The following UNC5D variants were observed in gnomAD, a reference collection of about 807,000 sequenced individuals.
The protein encoded by UNC5D is netrin receptor UNC5D.
UNC5D carries 39 observed loss-of-function variants against 105.4 expected under a neutral mutation model. That is an observed-to-expected ratio of 0.37 (90% CI 0.29 to 0.48). The LOEUF (loss-of-function observed/expected upper bound fraction) is 0.48. UNC5D is among the 20% of genes least tolerant of loss of function. The pLI is 0.98. For missense variants in UNC5D, 991 were observed against 1,202.4 expected (o/e 0.82, Z 2.60); for synonymous variants, 452 against 450.4 (o/e 1.00, Z -0.04).
chr8:35,352,156 A>G (rs1812283967), intron 1 of UNC5D, among the ~76,000 whole-genome samples: 1 of 152,168 alleles, frequency 6.6e-6, no homozygotes. Context: ...TAAAGAGGCT[A>G]TTAGATAACT....
intron 7 of UNC5D, among the ~76,000 whole-genome samples, chr8:35,694,742 G>T (rs372672226): frequency 6.6e-6 from 1 of 151,858 alleles, no homozygotes; most frequent in African/African-American, 2.4e-5. Flanking sequence ...TTGAGACAGG[G>T]TCTCACTCTG....
chr8:35,490,345 T>C (rs572365807), intron 1 of UNC5D, among the ~76,000 whole-genome samples: 2 of 152,194 alleles, frequency 1.3e-5, no homozygotes, highest in South Asian at 4.1e-4. Context: ...TCTACAACTT[T>C]TTTTAAAATT....
At chr8:35,474,961 G>A (rs1809982528) in intron 1 of UNC5D, among the ~76,000 whole-genome samples, 1 of 152,176 alleles carries the variant, frequency 6.6e-6, no homozygotes, top group African/African-American at 2.4e-5. Context: ...CATTCATTAT[G>A]TAAATCACTT....
intron 1 of UNC5D, among the ~76,000 whole-genome samples, chr8:35,435,332 T>G (rs1235674579): frequency 1.3e-5 from 2 of 152,082 alleles, no homozygotes; most frequent in Non-Finnish European, 2.9e-5. Flanking sequence ...GGTTATAACT[T>G]TCCAACAGTA....
At chr8:35,766,649 C>T (rs1388463916) in intron 14 of UNC5D, among the ~76,000 whole-genome samples, 1 of 152,172 alleles carries the variant, frequency 6.6e-6, no homozygotes, top group Non-Finnish European at 1.5e-5. Context: ...TGAGCTCTTG[C>T]AGTGCGGTTT....
At chr8:35,737,256 G>GTA (rs1303072391) in intron 11 of UNC5D, among the ~76,000 whole-genome samples, 9 of 103,882 alleles carry the variant, frequency 8.7e-5, no homozygotes, top group African/African-American at 3.0e-4. Flanking sequence ...TCTGCTCTGT[G>GTA]TGTGTGTGTG....
At chr8:35,772,645 C>T (rs971498794) in intron 15 of UNC5D, among the ~76,000 whole-genome samples, 3 of 152,172 alleles carry the variant, frequency 2.0e-5, no homozygotes, top group Admixed American at 6.5e-5. Context: ...AACTCAATCC[C>T]AGATCTGATG....
In UNC5D at chr8:35,726,189, T is replaced by G. The variant is rs748476542; in HGVS notation, c.1341T>G (p.Asp447Glu). ...SLLLNSAMQP[D>E]LTVSRTYSGP... ...TCCTGAATTCTGCCATGCAGCCAGATCTGACAGTGAGCCGGACATACAGCG... is the reference window on the plus strand; with the variant it reads ...TCCTGAATTCTGCCATGCAGCCAGAGCTGACAGTGAGCCGGACATACAGCG... Residue 447 changes from aspartate to glutamate, a missense_variant, in exon 10 of 17, where the codon GAT (aspartate) becomes GAG (glutamate). By Grantham distance (45) the Asp-to-Glu change is conservative. Transcript: ENST00000404895. 2 of 1,613,598 alleles carry G rather than the reference T, an allele frequency of 1.2e-6. No homozygotes were observed. Among genetic ancestry groups the G allele is most frequent in the South Asian group, 2.2e-5 (2 of 91,054 alleles).
At chr8:35,429,610 G>A (rs1806488014) in intron 1 of UNC5D, among the ~76,000 whole-genome samples, 1 of 151,960 alleles carries the variant, frequency 6.6e-6, no homozygotes, top group African/African-American at 2.4e-5. Context: ...TTCTCTACAA[G>A]GTATAAAATA....
chr8:35,681,337 C>G (rs1825650002), intron 4 of UNC5D, among the ~76,000 whole-genome samples: 2 of 152,280 alleles, frequency 1.3e-5, no homozygotes, highest in African/African-American at 2.4e-5. Flanking sequence ...TGTGGATTTA[C>G]TTATATTTCT....
chr8:35,290,700 G>A (rs1211011347), intron 1 of UNC5D, among the ~76,000 whole-genome samples: 2 of 152,226 alleles, frequency 1.3e-5, no homozygotes, highest in East Asian at 3.9e-4. Context: ...TGTAATCCCA[G>A]CATTTTGGGA....
chr8:35,422,079 G>A (rs529633661), intron 1 of UNC5D, among the ~76,000 whole-genome samples: 22 of 152,260 alleles, frequency 1.4e-4, no homozygotes, highest in South Asian at 1.0e-3. Flanking sequence ...AACCATGAAC[G>A]GTATAGCCTC....
chr8:35,236,893 G>A (rs1359581528), intron 1 of UNC5D, among the ~76,000 whole-genome samples: 2 of 152,044 alleles, frequency 1.3e-5, no homozygotes, highest in East Asian at 3.9e-4. Flanking sequence ...ATGTGATACC[G>A]TTAAATGATT....
In UNC5D at chr8:35,706,349, C is replaced by T. The variant is rs16884274; in HGVS notation, c.1117+388C>T. On this transcript the variant is annotated intron_variant, in intron 8 of 16. Coordinates refer to ENST00000404895, the MANE Select transcript of UNC5D (RefSeq NM_080872.4). ...GTCTCTCCACCTAGCATCTTACCTC[C>T]TGTGGAATCCATGGCAGCTGGGCAG... Among the ~76,000 whole-genome samples the T allele has an allele frequency of 7.1e-3, 1,088 of 152,282 alleles. 15 individuals are homozygous for T. The highest frequency in any genetic ancestry group is 0.025 in the African/African-American group (1,058 of 41,568).
intron 8 of UNC5D, among the ~76,000 whole-genome samples, chr8:35,712,981 T>A (rs576209108): frequency 6.6e-6 from 1 of 152,352 alleles, no homozygotes; most frequent in East Asian, 1.9e-4. Flanking sequence ...CCTGACTTGC[T>A]TCATCCTTCA....
chr8:35,735,057 CAT>C (rs1829395517), intron 11 of UNC5D, among the ~76,000 whole-genome samples: 1 of 152,158 alleles, frequency 6.6e-6, no homozygotes, highest in South Asian at 2.1e-4. Context: ...GGATTACAGG[CAT>C]AAACCACCAC....
intron 1 of UNC5D, among the ~76,000 whole-genome samples, chr8:35,252,747 A>G (rs184075708): frequency 3.5e-4 from 54 of 152,286 alleles, no homozygotes; most frequent in African/African-American, 1.3e-3. Context: ...AATGGTATAC[A>G]CTTTCAAGTG....
chr8:35,295,310 A>G (rs2980393), intron 1 of UNC5D, among the ~76,000 whole-genome samples: 124,021 of 152,118 alleles, frequency 0.82, 51,107 homozygotes, highest in East Asian at 1. Context: ...TACTTTGTGC[A>G]TTAATGACAT....
At chr8:35,340,410 A>G (rs1811377737) in intron 1 of UNC5D, among the ~76,000 whole-genome samples, 2 of 152,136 alleles carry the variant, frequency 1.3e-5, no homozygotes, top group African/African-American at 4.8e-5. Context: ...TTATTACTCT[A>G]TAGGTTTCTA....
Sources: gnomAD v4.1 joint callset for allele counts (sites outside exome capture counted in the v4.1 genomes callset) on GRCh38, gnomAD v4.1.1 for gene constraint, MANE v1.5 for transcripts, NCBI Gene and HGNC (gene_info 2026-07-23, HGNC 2026-07-21) for gene names.